Variants in PCMTD1 observed in about 807,000 individuals in gnomAD.
PCMTD1 encodes protein-L-isoaspartate (D-aspartate) O-methyltransferase domain containing 1, also known as protein-L-isoaspartate O-methyltransferase domain-containing protein 1.
In PCMTD1, 12 loss-of-function variants were observed where a neutral mutation model predicts 37.6. That is an observed-to-expected ratio of 0.32 (90% confidence interval 0.20 to 0.52). The LOEUF (loss-of-function observed/expected upper bound fraction) is 0.52. PCMTD1 is among the 20% of genes least tolerant of loss of function. PCMTD1 has a pLI of 0.97. For synonymous variants in PCMTD1, 117 were observed against 135.8 expected, an observed-to-expected ratio of 0.86 and a Z score of 0.96; for missense variants, 235 against 421.3, an observed-to-expected ratio of 0.56 and a Z score of 3.87.
intron 2 of PCMTD1, chr8:51,850,118 G>A (rs1031024062): frequency 4.4e-5 from 31 of 701,956 alleles, no homozygotes; most frequent in Admixed American, 2.8e-4. Flanking sequence ...TAGATTAAAG[G>A]TCAGATGTCT....
intron 1 of PCMTD1, among the ~76,000 whole-genome samples, chr8:51,886,601 G>A (rs2129293916): frequency 6.6e-6 from 1 of 152,224 alleles, no homozygotes; most frequent in Middle Eastern, 3.4e-3. Context: ...ATCTCACCTG[G>A]CAGGACTCAA....
intron 5 of PCMTD1, 143 bp from the exon 6 acceptor site, chr8:51,820,861 A>G: frequency 9.7e-7 from 1 of 1,036,088 alleles, no homozygotes; most frequent in Non-Finnish European, 1.3e-6. Context: ...TTCATCTAAC[A>G]AAGGTTTTGG....
chr8:51,853,999 G>A (rs928720729), intron 2 of PCMTD1, among the ~76,000 whole-genome samples: 3 of 152,190 alleles, frequency 2.0e-5, no homozygotes, highest in Non-Finnish European at 2.9e-5. Flanking sequence ...GAATTCTCAA[G>A]AGACAAAATT....
chr8:51,892,902 C>T (rs1164470988), intron 1 of PCMTD1, among the ~76,000 whole-genome samples: 1 of 152,042 alleles, frequency 6.6e-6, no homozygotes, highest in Admixed American at 6.6e-5. Flanking sequence ...ACTTCCCATC[C>T]CAGGGGGGAA....
At chr8:51,830,258 C>A (rs1041672998) in intron 5 of PCMTD1, among the ~76,000 whole-genome samples, 2 of 152,238 alleles carry the variant, frequency 1.3e-5, no homozygotes, top group African/African-American at 4.8e-5. Flanking sequence ...CCATTTCTAT[C>A]TAACCCTAGC....
At chr8:51,859,268 CCTACTCT>C (rs2038437331) in intron 2 of PCMTD1, among the ~76,000 whole-genome samples, 1 of 151,878 alleles carries the variant, frequency 6.6e-6, no homozygotes, top group Non-Finnish European at 1.5e-5. Context: ...AGCAACTCTC[CCTACTCT>C]CACCTCTAGA....
chr8:51,835,303 C>T (rs1295163896), intron 3 of PCMTD1, among the ~76,000 whole-genome samples: 1 of 152,164 alleles, frequency 6.6e-6, no homozygotes, highest in Admixed American at 6.6e-5. Flanking sequence ...ATCAGCTTTG[C>T]AATGAAATCT....
At chr8:51,861,403 T>C (rs545311518) in intron 1 of PCMTD1, among the ~76,000 whole-genome samples, 157 bp from the exon 2 acceptor site, 7 of 152,348 alleles carry the variant, frequency 4.6e-5, no homozygotes, top group African/African-American at 1.4e-4. Flanking sequence ...TATTATTTTA[T>C]TTAATTCATA....
intron 2 of PCMTD1, chr8:51,849,013 T>G (rs1035681248): frequency 6.6e-6 from 1 of 152,162 alleles, no homozygotes; most frequent in Non-Finnish European, 1.5e-5. Context: ...GCATTAAGTG[T>G]ATAAAAATGT....
chr8:51,873,179 A>G (rs2038662335), intron 1 of PCMTD1, among the ~76,000 whole-genome samples: 1 of 152,238 alleles, frequency 6.6e-6, no homozygotes, highest in Admixed American at 6.5e-5. Flanking sequence ...CTTAAGTACC[A>G]TAGGAATAGA....
chr8:51,851,598 T>C (rs1273126564), intron 2 of PCMTD1, among the ~76,000 whole-genome samples: 3 of 152,018 alleles, frequency 2.0e-5, no homozygotes, highest in Middle Eastern at 3.4e-3. Flanking sequence ...GAATAAGGTA[T>C]ATATAATACA....
intron 3 of PCMTD1, chr8:51,839,346 T>G: frequency 1.9e-6 from 1 of 532,868 alleles, no homozygotes; most frequent in South Asian, 8.2e-5. Context: ...TAATAAAATG[T>G]ACCCTGAAAA....
intron 1 of PCMTD1, among the ~76,000 whole-genome samples, chr8:51,890,973 TA>T (rs745741587): frequency 2.6e-5 from 4 of 152,254 alleles, no homozygotes; most frequent in Non-Finnish European, 4.4e-5. Flanking sequence ...CCCTCAGAAT[TA>T]AAAACCATAC....
intron 2 of PCMTD1, among the ~76,000 whole-genome samples, chr8:51,854,504 T>C (rs1479772161): frequency 2.0e-5 from 3 of 152,182 alleles, no homozygotes; most frequent in African/African-American, 7.2e-5. Context: ...GTTTCATGAA[T>C]TTCATAAAAT....
intron 1 of PCMTD1, among the ~76,000 whole-genome samples, chr8:51,862,890 A>G (rs2038494038): frequency 6.6e-6 from 1 of 152,236 alleles, no homozygotes; most frequent in Admixed American, 6.5e-5. Context: ...TATAAGTACA[A>G]GGGCTTACAG....
chr8:51,888,139 C>T (rs184347346), intron 1 of PCMTD1, among the ~76,000 whole-genome samples: 24 of 152,290 alleles, frequency 1.6e-4, no homozygotes, highest in Admixed American at 4.6e-4. Flanking sequence ...TTCCTAACTC[C>T]TGACCTTACT....
chr8:51,865,481 A>G (rs2038537083), intron 1 of PCMTD1, among the ~76,000 whole-genome samples: 1 of 152,072 alleles, frequency 6.6e-6, no homozygotes, highest in Admixed American at 6.5e-5. Flanking sequence ...ACTCACCACC[A>G]AGTGAGACTG....
intron 4 of PCMTD1, among the ~76,000 whole-genome samples, chr8:51,833,264 C>T (rs1258386093): frequency 6.6e-6 from 1 of 152,178 alleles, no homozygotes; most frequent in Admixed American, 6.5e-5. Flanking sequence ...TTGCTGAACA[C>T]CAGGCACAGG....
chr8:51,826,930 C>T, intron 5 of PCMTD1: 2 of 888,250 alleles, frequency 2.3e-6, no homozygotes, highest in Non-Finnish European at 2.7e-6. Context: ...AATTATGACT[C>T]CACTTTAGTA....
Sources: gnomAD v4.1 joint callset for allele counts (sites outside exome capture counted in the v4.1 genomes callset) on GRCh38, gnomAD v4.1.1 for gene constraint, MANE v1.5 for transcripts, NCBI Gene and HGNC (gene_info 2026-07-23, HGNC 2026-07-21) for gene names.